PRLR: variants seen among roughly 807,000 people sequenced by gnomAD.
PRLR encodes the protein prolactin receptor, also known as hPRL receptor.
A neutral mutation model predicts 40.2 loss-of-function variants in PRLR; 13 were observed. The observed-to-expected ratio is 0.32, with a 90% confidence interval of 0.21 to 0.51. The LOEUF is 0.51. Among genes scored for constraint, PRLR ranks in the 20% least tolerant of loss-of-function variants. The pLI is 0.97. For synonymous variants in PRLR, 269 were observed against 278.7 expected, an observed-to-expected ratio of 0.97 and a Z score of 0.35; for missense variants, 656 against 747.3, an observed-to-expected ratio of 0.88 and a Z score of 1.42.
intron 1 of PRLR, among the ~76,000 whole-genome samples, chr5:35,159,188 C>G (rs1774598105): frequency 6.6e-6 from 1 of 152,052 alleles, no homozygotes; most frequent in Non-Finnish European, 1.5e-5. Context: ...ACACTCATAG[C>G]CCCTCATTCT....
In PRLR at chr5:35,056,182, C is replaced by T. The variant is rs909139862; in HGVS notation, c.*8907G>A. 6.6e-6 allele frequency: 1 copy of T among 152,016 alleles called. No homozygotes were observed. Among genetic ancestry groups the T allele is most frequent in the African/African-American group, 2.4e-5 (1 of 41,404 alleles). 9.4% of individuals were successfully genotyped at this position (152,016 alleles called of 1,614,324 possible). A position where few individuals can be genotyped will look rare whatever the true frequency, so the allele number is the denominator to read the frequency against. ...GAAAAATGCTTAACATTAGCAGGGG[C>T]AGCAGGAATTGAGGGGTGGTGTGGG... On this transcript the variant is annotated 3_prime_UTR_variant, in exon 10 of 10. Transcript: ENST00000618457.
At chr5:35,159,225 C>T (rs1774599406) in intron 1 of PRLR, among the ~76,000 whole-genome samples, 1 of 151,712 alleles carries the variant, frequency 6.6e-6, no homozygotes, top group South Asian at 2.1e-4. Flanking sequence ...AAAGTCACCA[C>T]TGTGACAATT....
At chr5:35,080,958 G>A (rs537592641) in intron 5 of PRLR, among the ~76,000 whole-genome samples, 3 of 146,586 alleles carry the variant, frequency 2.0e-5, no homozygotes, top group South Asian at 2.2e-4. Context: ...ACCAAACACC[G>A]CATGTTCTCA....
chr5:35,112,329 G>A (rs886394463), intron 2 of PRLR, among the ~76,000 whole-genome samples: 1 of 152,134 alleles, frequency 6.6e-6, no homozygotes, highest in Admixed American at 6.5e-5. Context: ...ATTTTTCAGA[G>A]CCTCAAAGAA....
chr5:35,134,701 G>T (rs1232411994), intron 1 of PRLR, among the ~76,000 whole-genome samples: 2 of 152,148 alleles, frequency 1.3e-5, no homozygotes, highest in East Asian at 1.9e-4. Context: ...ACATTCTACT[G>T]GTGGAAAAGT....
intron 1 of PRLR, among the ~76,000 whole-genome samples, chr5:35,124,484 A>G (rs1279228387): frequency 2.0e-5 from 3 of 152,202 alleles, no homozygotes; most frequent in Non-Finnish European, 4.4e-5. Flanking sequence ...TGTAGGAGGC[A>G]GGAGGCTTAC....
At chr5:35,117,885 ACAGG>A (rs1259936538) in intron 2 of PRLR, among the ~76,000 whole-genome samples, 172 bp downstream of exon 2, 1 of 152,222 alleles carries the variant, frequency 6.6e-6, no homozygotes, top group African/African-American at 2.4e-5. Context: ...TCTGAGCTGG[ACAGG>A]CTGGGGAGAC....
chr5:35,148,833 A>G lies in PRLR; in HGVS notation c.-105-30711T>C, dbSNP rs528147072. On this transcript the variant is annotated intron_variant, in intron 1 of 9. Coordinates refer to ENST00000618457, the MANE Select transcript of PRLR (RefSeq NM_000949.7). Reference sequence around the variant, plus strand: ...GGTAATTCCTAGTTTTAAATGTATCACTAACATTACTTGTACTTAAGTATA... The same window carrying G: ...GGTAATTCCTAGTTTTAAATGTATCGCTAACATTACTTGTACTTAAGTATA... Among the ~76,000 whole-genome samples, 43 of 152,294 alleles carry G rather than the reference A, an allele frequency of 2.8e-4. No individual in the cohort carries two copies. The Middle Eastern group carries it at 0.014, about 48-fold the overall frequency.
At chr5:35,091,056 C>T (rs1771179004) in intron 2 of PRLR, among the ~76,000 whole-genome samples, 1 of 152,082 alleles carries the variant, frequency 6.6e-6, no homozygotes, top group Non-Finnish European at 1.5e-5. Flanking sequence ...TCGTGATCCA[C>T]CTGCCTCGGC....
chr5:35,223,114 T>C (rs1187573097), intron 1 of PRLR, among the ~76,000 whole-genome samples: 1 of 152,264 alleles, frequency 6.6e-6, no homozygotes, highest in East Asian at 1.9e-4. Context: ...CGAGGAATTA[T>C]CTGTGAATTT....
At chr5:35,092,154 T>C (rs1007293441) in intron 2 of PRLR, among the ~76,000 whole-genome samples, 4 of 152,140 alleles carry the variant, frequency 2.6e-5, no homozygotes, top group Admixed American at 6.5e-5. Context: ...AGTTTTCCTA[T>C]AATAATGTCT....
At chr5:35,094,824 CTTTTTTT>C (rs143791323) in intron 2 of PRLR, among the ~76,000 whole-genome samples, 1 of 113,982 alleles carries the variant, frequency 8.8e-6, no homozygotes, top group African/African-American at 3.3e-5. Flanking sequence ...AGGAGTTGGG[CTTTTTTT>C]TTTTTTTTTT....
At chr5:35,209,238 A>G (rs1176689350) in intron 1 of PRLR, among the ~76,000 whole-genome samples, 2 of 152,120 alleles carry the variant, frequency 1.3e-5, no homozygotes, top group Non-Finnish European at 2.9e-5. Context: ...TTAAGCCTAC[A>G]TAAGAATCCA....
At chr5:35,222,101 G>A (rs572075835) in intron 1 of PRLR, among the ~76,000 whole-genome samples, 4 of 152,252 alleles carry the variant, frequency 2.6e-5, no homozygotes, top group African/African-American at 9.6e-5. Flanking sequence ...TCAAGAGATC[G>A]AGACCATCCT....
chr5:35,184,001 T>A (rs1032858199), intron 1 of PRLR, among the ~76,000 whole-genome samples: 1 of 152,212 alleles, frequency 6.6e-6, no homozygotes, highest in African/African-American at 2.4e-5. Flanking sequence ...AGACTAGATG[T>A]CAAATGACCA....
intron 1 of PRLR, among the ~76,000 whole-genome samples, chr5:35,135,841 T>C (rs1057090284): frequency 6.6e-6 from 1 of 152,136 alleles, no homozygotes; most frequent in African/African-American, 2.4e-5. Context: ...CCTCATCCCA[T>C]GGGGGACCTG....
chr5:35,073,303 C>T (rs1769868320), intron 5 of PRLR, among the ~76,000 whole-genome samples: 1 of 152,188 alleles, frequency 6.6e-6, no homozygotes, highest in South Asian at 2.1e-4. Flanking sequence ...TCCACTCTCC[C>T]ATAAGCTAAA....
intron 1 of PRLR, among the ~76,000 whole-genome samples, chr5:35,172,697 T>C (rs1157111461): frequency 1.3e-5 from 2 of 152,166 alleles, no homozygotes; most frequent in Non-Finnish European, 2.9e-5. Flanking sequence ...GACAAATCCC[T>C]CCTCCCGACT....
chr5:35,132,073 T>A (rs1026513439), intron 1 of PRLR, among the ~76,000 whole-genome samples: 1 of 152,222 alleles, frequency 6.6e-6, no homozygotes, highest in East Asian at 1.9e-4. Flanking sequence ...TCACTCTGGC[T>A]TTGATGTTGT....
Sources: allele counts gnomAD v4.1 joint callset (sites outside exome capture counted in the v4.1 genomes callset), GRCh38; gene constraint gnomAD v4.1.1; transcripts MANE v1.5; gene names NCBI Gene and HGNC (gene_info 2026-07-23, HGNC 2026-07-21).